Variants in C7orf57 observed in about 807,000 individuals in gnomAD.
C7orf57 encodes the protein chromosome 7 open reading frame 57.
Under a neutral mutation model 39.0 loss-of-function variants are expected in C7orf57, and 33 were observed. That is an observed-to-expected ratio of 0.85 (90% CI 0.64 to 1.13). The LOEUF (loss-of-function observed/expected upper bound fraction) is 1.13, where lower values mean the gene tolerates loss of function less well. Among genes scored for constraint, C7orf57 ranks in the 50% most tolerant of loss-of-function variants. The pLI is 0.00. For synonymous variants in C7orf57, 124 were observed against 137.1 expected (o/e 0.90, Z 0.67); for missense variants, 346 against 362.3 (o/e 0.95, Z 0.37).
Position 48,054,707 on chromosome 7 carries a change from C to A in C7orf57, c.841+101C>A, listed in dbSNP as rs369985590. The A allele has an allele frequency of 1.1e-5, 10 of 951,120 alleles. No individual in the cohort carries two copies. In the African/African-American group the frequency reaches 1.7e-4, roughly 16 times the overall value. 58.9% of individuals were successfully genotyped at this position (951,120 alleles called of 1,614,324 possible). Reference sequence around the variant, plus strand: ...TTCTGAGACTACAGCCTCTAGGCAGCCTGGAATGTCCTTCTCCAAACTGCA... The same window carrying A: ...TTCTGAGACTACAGCCTCTAGGCAGACTGGAATGTCCTTCTCCAAACTGCA... On this transcript the variant is annotated intron_variant, in intron 8 of 8. Transcript: ENST00000348904.
intron 2 of C7orf57, among the ~76,000 whole-genome samples, chr7:48,040,425 C>T (rs1790512682): frequency 6.6e-6 from 1 of 152,230 alleles, no homozygotes; most frequent in Non-Finnish European, 1.5e-5. Flanking sequence ...ACCCAGTCAC[C>T]TCAGGAATCT....
At chr7:48,050,863 C>A (rs774679527) in intron 6 of C7orf57, among the ~76,000 whole-genome samples, 5 of 152,014 alleles carry the variant, frequency 3.3e-5, no homozygotes, top group African/African-American at 9.7e-5. Context: ...GAGACAAGAT[C>A]TCACTATGTT....
At chr7:48,037,180 A>G (rs1790398124) in intron 2 of C7orf57, among the ~76,000 whole-genome samples, 1 of 44,840 alleles carries the variant, frequency 2.2e-5, no homozygotes. Context: ...GAAAGGGGAC[A>G]GCACAGAAGG....
intron 2 of C7orf57, among the ~76,000 whole-genome samples, chr7:48,037,924 GAC>G (rs1790431745): frequency 6.6e-6 from 1 of 152,136 alleles, no homozygotes; most frequent in Non-Finnish European, 1.5e-5. Flanking sequence ...GAAGGTAGAA[GAC>G]ACACTGTTCT....
chr7:48,054,123 G>T (rs112056105), intron 7 of C7orf57, among the ~76,000 whole-genome samples: 131 of 152,284 alleles, frequency 8.6e-4, no homozygotes, highest in Middle Eastern at 6.8e-3. Flanking sequence ...TTGTTAAAAA[G>T]CACCCTATTG....
chr7:48,052,799 C>A lies in C7orf57; in HGVS notation c.705C>A (p.Asp235Glu), dbSNP rs760289519. The A allele has an allele frequency of 2.4e-4, 395 of 1,613,884 alleles. No individual in the cohort carries two copies. Among genetic ancestry groups the A allele is most frequent in the Admixed American group, 4.5e-4 (27 of 60,004 alleles). Residue 235 changes from aspartate to glutamate, a missense_variant, in exon 7 of 9, where the codon GAC becomes GAA. Physicochemically the swap from Asp to Glu is conservative, Grantham distance 45. Coordinates refer to ENST00000348904, the MANE Select transcript of C7orf57 (RefSeq NM_001100159.3). ...AGCAGCAGCAGCGAGCTGACTCAGA[C>A]AAGAGGACCCCGAAGACCTCCAGGG... The part of the protein sequence containing the change: ...WLQQQQRADS[D>E]KRTPKTSRAS...
At chr7:48,045,709 C>T (rs962444732) in intron 4 of C7orf57, among the ~76,000 whole-genome samples, 2 of 152,088 alleles carry the variant, frequency 1.3e-5, no homozygotes, top group Non-Finnish European at 2.9e-5. Context: ...TTTGTGTTGC[C>T]GTGTCAAACT....
chr7:48,041,630 C>T, intron 3 of C7orf57, 111 bp downstream of exon 3: 1 of 908,554 alleles, frequency 1.1e-6, no homozygotes. Context: ...GTATGTTTAG[C>T]TTAGGGCCTT....
At position 48,036,333 on chromosome 7, in the gene C7orf57, C is replaced by A; in HGVS notation, c.25C>A (p.Gln9Lys). The change falls in exon 2 of 9, where the codon CAG becomes AAG. Residue 9 changes from glutamine (Q) to lysine (K), a missense_variant. Physicochemically the swap from Gln to Lys is moderately conservative, Grantham distance 53. Transcript: ENST00000348904. Reference protein sequence around the residue: MRNTSKELQGATHRYAPCD... With the variant: MRNTSKELKGATHRYAPCD... ...CATGAGGAACACAAGCAAGGAACTT[C>A]AGGGCGCCACGCACCGCTACGCTCC... is the stretch of plus-strand genomic sequence containing the variant. 6.3e-7 allele frequency: 1 copy of A among 1,591,274 alleles called. No homozygotes were observed.
chr7:48,047,790 A>C (rs1790759256), intron 5 of C7orf57, among the ~76,000 whole-genome samples: 1 of 151,656 alleles, frequency 6.6e-6, no homozygotes, highest in South Asian at 2.1e-4. Flanking sequence ...ACACCCTCGA[A>C]CTCCTGGGCT....
intron 5 of C7orf57, among the ~76,000 whole-genome samples, chr7:48,048,936 C>G (rs1179717718): frequency 6.6e-6 from 1 of 152,174 alleles, no homozygotes; most frequent in Non-Finnish European, 1.5e-5. Flanking sequence ...CATCTCCAAC[C>G]AGAAACATTC....
intron 7 of C7orf57, 34 bp from the exon 8 acceptor site, chr7:48,054,561 T>C: frequency 6.5e-7 from 1 of 1,530,066 alleles, no homozygotes; most frequent in Non-Finnish European, 8.9e-7. Flanking sequence ...ATCTGTTTCA[T>C]TAACCTGAAC....
chr7:48,052,498 C>G (rs969335742), intron 6 of C7orf57, among the ~76,000 whole-genome samples: 1 of 151,908 alleles, frequency 6.6e-6, no homozygotes, highest in East Asian at 1.9e-4. Flanking sequence ...AAAATGGAGA[C>G]AGTGAGACAG....
chr7:48,037,121 C>G (rs1175471751), intron 2 of C7orf57, among the ~76,000 whole-genome samples: 1 of 152,102 alleles, frequency 6.6e-6, no homozygotes, highest in African/African-American at 2.4e-5. Context: ...TAGCCCAGAG[C>G]TCTACCTTGT....
intron 5 of C7orf57, among the ~76,000 whole-genome samples, chr7:48,049,666 T>C (rs1339213514): frequency 3.3e-5 from 5 of 152,192 alleles, no homozygotes; most frequent in East Asian, 1.9e-4. Context: ...TACTCAAATA[T>C]AGCAACTGCT....
At chr7:48,057,946 A>G (rs186923022) in intron 8 of C7orf57, among the ~76,000 whole-genome samples, 1 of 152,296 alleles carries the variant, frequency 6.6e-6, no homozygotes, top group Admixed American at 6.5e-5. Context: ...ATCACATTTA[A>G]TGATATATTA....
rs1777041964 is a variant in C7orf57 at position 48,036,357 on chromosome 7, C to G, written c.49C>G (p.Pro17Ala). The G allele has an allele frequency of 1.3e-6, 2 of 1,586,122 alleles. No homozygotes were observed. The highest frequency in any genetic ancestry group is 1.7e-6 in the Non-Finnish European group (2 of 1,166,742). The change falls in exon 2 of 9, where the codon CCC (proline) becomes GCC (alanine). Residue 17 changes from proline to alanine, a missense_variant. Pro to Ala is a conservative substitution (Grantham distance 27). Transcript: ENST00000348904. Reference sequence around the variant, plus strand: ...TCAGGGCGCCACGCACCGCTACGCTCCCTGCGGTGAGTGCGCCCTGAGCGC... The same window carrying G: ...TCAGGGCGCCACGCACCGCTACGCTGCCTGCGGTGAGTGCGCCCTGAGCGC... ...ELQGATHRYA[P>A]CDWYYHVPVK...
At chr7:48,044,403 G>C (rs4720626) in intron 4 of C7orf57, among the ~76,000 whole-genome samples, 152,138 of 152,334 alleles carry the variant, frequency 1, 75,973 homozygotes, top group Middle Eastern at 1. Context: ...GGGTTTATAT[G>C]CCGATCATTG....
chr7:48,044,379 C>T (rs1194628590), intron 4 of C7orf57, among the ~76,000 whole-genome samples: 1 of 152,196 alleles, frequency 6.6e-6, no homozygotes, highest in Non-Finnish European at 1.5e-5. Context: ...TTGCCACTGC[C>T]GGCTCAAATG....
Sources: allele counts gnomAD v4.1 joint callset (sites outside exome capture counted in the v4.1 genomes callset), GRCh38; gene constraint gnomAD v4.1.1; transcripts MANE v1.5; gene names NCBI Gene and HGNC (gene_info 2026-07-23, HGNC 2026-07-21).